The following LRP1B variants were observed in gnomAD, a reference collection of about 807,000 sequenced individuals.
LRP1B encodes the protein LDL receptor related protein 1B, also known as low-density lipoprotein receptor-related protein 1B.
Under a neutral mutation model 556.6 loss-of-function variants are expected in LRP1B, and 217 were observed. That is an observed-to-expected ratio of 0.39 (90% CI 0.35 to 0.44). LRP1B has a LOEUF of 0.44. Among genes scored for constraint, LRP1B ranks in the 20% least tolerant of loss-of-function variants. LRP1B has a pLI of 1.00. For missense variants in LRP1B, 5,053 were observed against 5,620.8 expected, an observed-to-expected ratio of 0.90 and a Z score of 3.23; for synonymous variants, 2,047 against 1,865.8, an observed-to-expected ratio of 1.10 and a Z score of -2.50.
chr2:141,569,750 T>A lies in LRP1B; in HGVS notation c.206-89217A>T, dbSNP rs116429353. Among the ~76,000 whole-genome samples the A allele has an allele frequency of 2.7e-3, 405 of 151,344 alleles. 22 individuals are homozygous for A. The highest frequency in any genetic ancestry group is 4.9e-3 in the Non-Finnish European group (329 of 67,494). On this transcript the variant is annotated intron_variant, in intron 2 of 90. Transcript: ENST00000389484. ...AATTAACAAGTGTTAACTAGTCTGA[T>A]CTGAACTTTATTTCTTCTTGCTTGA... is the stretch of plus-strand genomic sequence containing the variant.
chr2:140,839,958 G>A (rs780805434), intron 31 of LRP1B, 33 bp downstream of exon 31: 1 of 1,348,342 alleles, frequency 7.4e-7, no homozygotes. Context: ...TTGTCACATT[G>A]AAAACTTGGT....
intron 9 of LRP1B, among the ~76,000 whole-genome samples, chr2:141,056,558 A>C (rs531640996): frequency 1.0e-3 from 153 of 152,018 alleles, no homozygotes; most frequent in African/African-American, 3.6e-3. Flanking sequence ...GTCAGATCCC[A>C]GTGAGCTTCA....
chr2:140,708,892 T>C lies in LRP1B; in HGVS notation c.6024-6339A>G, dbSNP rs141100903. ...TGACTTGCAACCTATCTTACCAGCA[T>C]TATTCCTATGGTAAATCAAATTTAT... On this transcript the variant is annotated intron_variant, in intron 37 of 90. Transcript: ENST00000389484. Among the ~76,000 whole-genome samples, 1,048 of 151,976 alleles carry C rather than the reference T, an allele frequency of 6.9e-3. 9 individuals carry two copies. The highest frequency in any genetic ancestry group is 0.024 in the African/African-American group (983 of 41,388).
At chr2:141,831,360 A>G (rs1697106405) in intron 1 of LRP1B, among the ~76,000 whole-genome samples, 1 of 151,460 alleles carries the variant, frequency 6.6e-6, no homozygotes, top group South Asian at 2.1e-4. Flanking sequence ...TTCTTCTCTC[A>G]TTTTCTTATA....
chr2:142,091,355 A>G (rs1706167499), intron 1 of LRP1B, among the ~76,000 whole-genome samples: 1 of 152,018 alleles, frequency 6.6e-6, no homozygotes, highest in South Asian at 2.1e-4. Context: ...TTGAATCTGG[A>G]CTTCTCTGTA....
At chr2:140,699,607 T>TGAA (rs1203564334) in intron 41 of LRP1B, among the ~76,000 whole-genome samples, 3 of 119,798 alleles carry the variant, frequency 2.5e-5, no homozygotes, top group African/African-American at 5.3e-5. Flanking sequence ...AGAAGTTGTG[T>TGAA]GAAGAATAAG....
At chr2:141,076,376 G>A (rs990646029) in intron 7 of LRP1B, among the ~76,000 whole-genome samples, 1 of 152,092 alleles carries the variant, frequency 6.6e-6, no homozygotes, top group South Asian at 2.1e-4. Context: ...TTCCTACACG[G>A]GCATTTTTCT....
chr2:140,477,125 A>C (rs889664309), intron 59 of LRP1B, among the ~76,000 whole-genome samples: 2 of 152,090 alleles, frequency 1.3e-5, no homozygotes, highest in African/African-American at 2.4e-5. Flanking sequence ...GTATCATGAC[A>C]GAAGAGATGC....
chr2:141,302,921 C>T (rs549802853), intron 3 of LRP1B, among the ~76,000 whole-genome samples: 67 of 152,046 alleles, frequency 4.4e-4, no homozygotes, highest in Middle Eastern at 6.8e-3. Flanking sequence ...ATTTTTACCA[C>T]TCACTTTTTA....
chr2:140,938,742 C>T (rs1302957240), intron 20 of LRP1B, among the ~76,000 whole-genome samples: 1 of 152,036 alleles, frequency 6.6e-6, no homozygotes, highest in African/African-American at 2.4e-5. Context: ...AAATGTCGGA[C>T]AATTAGTGGG....
chr2:141,167,821 G>GT (rs1680333882), intron 7 of LRP1B, among the ~76,000 whole-genome samples: 2 of 151,876 alleles, frequency 1.3e-5, no homozygotes, highest in Non-Finnish European at 2.9e-5. Context: ...ACCATTGATA[G>GT]AACTATTATG....
chr2:141,471,275 T>G (rs201122343), intron 3 of LRP1B, among the ~76,000 whole-genome samples: 54 of 87,858 alleles, frequency 6.1e-4, no homozygotes, highest in Non-Finnish European at 1.2e-3. Context: ...GGTATTTTTT[T>G]TTTTTTTTTT....
chr2:141,306,497 T>C (rs1273549772), intron 3 of LRP1B, among the ~76,000 whole-genome samples: 1 of 152,136 alleles, frequency 6.6e-6, no homozygotes, highest in African/African-American at 2.4e-5. Flanking sequence ...GATATCTGAT[T>C]TTGTTAATTT....
intron 43 of LRP1B, among the ~76,000 whole-genome samples, chr2:140,588,980 A>T (rs1323116772): frequency 6.6e-6 from 1 of 152,118 alleles, no homozygotes; most frequent in African/African-American, 2.4e-5. Flanking sequence ...AAAAAAAAAA[A>T]AAGATGGACA....
At chr2:141,142,238 G>A (rs1258595813) in intron 7 of LRP1B, among the ~76,000 whole-genome samples, 1 of 152,206 alleles carries the variant, frequency 6.6e-6, no homozygotes, top group East Asian at 1.9e-4. Context: ...ATGTTGAGAA[G>A]AGGTTGCCGT....
chr2:140,372,944 CTTAAAT>C lies in LRP1B; in HGVS notation c.10768+58_10768+63del, dbSNP rs557702695. The stretch of plus-strand genomic sequence containing the variant: ...TGCCACTGTTTTCTGCATATTGCTG[CTTAAAT>C]TTAAATTCTATCAAGGTAAAATGTT... On this transcript the variant is annotated intron_variant, in intron 69 of 90. Coordinates refer to ENST00000389484, the MANE Select transcript of LRP1B (RefSeq NM_018557.3). 1.7e-4 allele frequency: 272 copies of C among 1,573,806 alleles called. No homozygotes were observed. The African/African-American group carries it at 3.3e-3, about 19-fold the overall frequency.
intron 3 of LRP1B, among the ~76,000 whole-genome samples, chr2:141,373,890 T>C (rs1304386660): frequency 6.6e-6 from 1 of 152,100 alleles, no homozygotes; most frequent in Non-Finnish European, 1.5e-5. Flanking sequence ...GATGAGATTC[T>C]GTCATGTTGC....
At chr2:140,863,083 G>C (rs1692846525) in intron 27 of LRP1B, among the ~76,000 whole-genome samples, 1 of 151,988 alleles carries the variant, frequency 6.6e-6, no homozygotes, top group Non-Finnish European at 1.5e-5. Context: ...GTAGGTTGTG[G>C]AACTTCTTGG....
At chr2:140,984,228 G>A (rs1696854242) in intron 17 of LRP1B, among the ~76,000 whole-genome samples, 1 of 151,818 alleles carries the variant, frequency 6.6e-6, no homozygotes, top group African/African-American at 2.4e-5. Context: ...TCTTTTAAGA[G>A]AAATTTAATA....
Sources: allele counts gnomAD v4.1 joint callset (sites outside exome capture counted in the v4.1 genomes callset), GRCh38; gene constraint gnomAD v4.1.1; transcripts MANE v1.5; gene names NCBI Gene and HGNC (gene_info 2026-07-23, HGNC 2026-07-21).